Variants in C9 observed in about 807,000 individuals in gnomAD.
C9 encodes the protein complement component C9.
Under a neutral mutation model 65.4 loss-of-function variants are expected in C9, and 63 were observed. The observed-to-expected ratio is 0.96, with a 90% CI of 0.79 to 1.19. C9 has a LOEUF of 1.19. C9 is among the 50% of genes most tolerant of loss of function. The probability of loss-of-function intolerance (pLI) is 0.00; values close to 1 mark genes in which losing one functional copy is unlikely to be tolerated. For synonymous variants in C9, 229 were observed against 227.9 expected (o/e 1.00, Z -0.04); for missense variants, 744 against 670.1 (o/e 1.11, Z -1.22).
At position 39,349,518 on chromosome 5, in the gene C9, C is replaced by T. The variant is rs1478212235; in HGVS notation, c.78-7322G>A. On this transcript the variant is annotated intron_variant, in intron 1 of 10. Coordinates refer to ENST00000263408, the MANE Select transcript of C9 (RefSeq NM_001737.5). Reference sequence around the variant, plus strand: ...ACATCCAAAGAACAAGTCTTATCTCCTTCAAACTCTACATGCCCTTTTAGT... The same window carrying T: ...ACATCCAAAGAACAAGTCTTATCTCTTTCAAACTCTACATGCCCTTTTAGT... 3.9e-5 allele frequency among the ~76,000 whole-genome samples: 6 copies of T among 152,214 alleles called. No individual in the cohort carries two copies. The East Asian group carries it at 5.8e-4, about 15-fold the overall frequency.
chr5:39,342,005 C>T lies in C9; in HGVS notation c.183+86G>A, dbSNP rs1029999827. ...GGGTTTGGAACTCAGTTGTGGGGCTCCCTGCCTCATAATCATTTTTCTGGA... is the reference window on the plus strand; with the variant it reads ...GGGTTTGGAACTCAGTTGTGGGGCTTCCTGCCTCATAATCATTTTTCTGGA... On this transcript the variant is annotated intron_variant, in intron 2 of 10. Transcript: ENST00000263408. 4.7e-6 allele frequency: 4 copies of T among 844,358 alleles called. No homozygotes were observed. The East Asian group carries it at 9.7e-5, about 20-fold the overall frequency. The allele number at this position is 844,358 out of a possible 1,614,324, so 52.3% of individuals were successfully genotyped here.
intron 1 of C9, among the ~76,000 whole-genome samples, chr5:39,360,022 TA>T (rs993684969): frequency 8.5e-5 from 13 of 152,226 alleles, no homozygotes; most frequent in Non-Finnish European, 1.8e-4. Context: ...TAGGCAAATA[TA>T]ACCAAAGTAG....
chr5:39,330,705 T>C (rs1008173496), intron 5 of C9, among the ~76,000 whole-genome samples: 2 of 151,864 alleles, frequency 1.3e-5, no homozygotes, highest in Admixed American at 1.3e-4. Context: ...TTTCCTCAGA[T>C]TTTTTGGCAA....
intron 5 of C9, among the ~76,000 whole-genome samples, chr5:39,316,760 G>A (rs567656576): frequency 3.9e-5 from 6 of 152,288 alleles, no homozygotes; most frequent in African/African-American, 1.4e-4. Flanking sequence ...ATGGGCGTTT[G>A]GGTTGATTCC....
chr5:39,286,059 C>G (rs1327726939), intron 10 of C9, among the ~76,000 whole-genome samples: 1 of 151,950 alleles, frequency 6.6e-6, no homozygotes, highest in East Asian at 1.9e-4. Flanking sequence ...GAAAGGTCAA[C>G]CAAACAATGC....
intron 7 of C9, among the ~76,000 whole-genome samples, chr5:39,308,606 G>T (rs1435320581): frequency 1.3e-5 from 2 of 152,132 alleles, no homozygotes; most frequent in Non-Finnish European, 2.9e-5. Flanking sequence ...AGGGATATAG[G>T]TCAGACTATG....
intron 6 of C9, among the ~76,000 whole-genome samples, chr5:39,315,571 A>G (rs1410822132): frequency 6.6e-6 from 1 of 152,112 alleles, no homozygotes; most frequent in Non-Finnish European, 1.5e-5. Context: ...GCTCACTACC[A>G]CCAAACATAT....
At position 39,288,939 on chromosome 5, in the gene C9, A is replaced by G. The variant is rs1419449142; in HGVS notation, c.1429T>C (p.Tyr477His). Residue 477 changes from tyrosine (Y) to histidine (H), a missense_variant, in exon 10 of 11, where the codon TAT (tyrosine) becomes CAT (histidine). Transcript: ENST00000263408. ...VLISQKLSPI[Y>H]NLVPVKMKNA... ...TTCATTTTCACTGGAACCAGATTAT[A>G]TATAGGAGACAGCTGAAAGGAAGCA... The G allele has an allele frequency of 2.5e-6, 4 of 1,592,880 alleles. No individual in the cohort carries two copies. The highest frequency in any genetic ancestry group is 2.7e-5 in the African/African-American group (2 of 74,344).
intron 10 of C9, among the ~76,000 whole-genome samples, chr5:39,285,835 G>C (rs1752982711): frequency 6.6e-6 from 1 of 151,946 alleles, no homozygotes; most frequent in Non-Finnish European, 1.5e-5. Context: ...GGGAGAGAAA[G>C]TTGGAAGCAT....
intron 1 of C9, among the ~76,000 whole-genome samples, chr5:39,348,390 C>T (rs1231427463): frequency 6.6e-6 from 1 of 152,160 alleles, no homozygotes. Context: ...CAAAAGAAGA[C>T]ATTTATGCAA....
chr5:39,322,087 G>A (rs1753675312), intron 5 of C9, among the ~76,000 whole-genome samples: 1 of 151,916 alleles, frequency 6.6e-6, no homozygotes. Context: ...CTCGTGGACA[G>A]ATCGTATATT....
In C9 at chr5:39,318,106, T is replaced by A. The variant is rs191257047; in HGVS notation, c.616-2077A>T. Among the ~76,000 whole-genome samples the A allele has an allele frequency of 5.1e-3, 777 of 152,100 alleles. 21 individuals carry two copies. The highest frequency in any genetic ancestry group is 0.045 in the Admixed American group (683 of 15,252). On this transcript the variant is annotated intron_variant, in intron 5 of 10. Transcript: ENST00000263408. Reference sequence around the variant, plus strand: ...CTAGGTATTTTATGGGTTTTTTTTTTAGCAATCGTGAATGGGAGTTAATTT... The same window carrying A: ...CTAGGTATTTTATGGGTTTTTTTTTAAGCAATCGTGAATGGGAGTTAATTT...
intron 6 of C9, among the ~76,000 whole-genome samples, chr5:39,314,661 A>T (rs1334036787): frequency 6.6e-6 from 1 of 152,092 alleles, no homozygotes; most frequent in African/African-American, 2.4e-5. Context: ...CTTCTCTAAC[A>T]GTTCCTTCCG....
chr5:39,335,730 TGAG>T (rs1561348302), intron 4 of C9, among the ~76,000 whole-genome samples: 1 of 152,052 alleles, frequency 6.6e-6, no homozygotes, highest in Non-Finnish European at 1.5e-5. Context: ...TTGTGCCAAA[TGAG>T]GGGTACATGT....
intron 5 of C9, among the ~76,000 whole-genome samples, chr5:39,330,421 G>A (rs898110280): frequency 6.6e-6 from 1 of 152,152 alleles, no homozygotes; most frequent in East Asian, 1.9e-4. Flanking sequence ...TGTCGTACAA[G>A]TTATTACCCC....
intron 7 of C9, among the ~76,000 whole-genome samples, chr5:39,309,498 G>T (rs567749988): frequency 1.3e-5 from 2 of 152,152 alleles, no homozygotes; most frequent in African/African-American, 4.8e-5. Context: ...TTTCCCATGG[G>T]AAGGGAAGAG....
intron 1 of C9, among the ~76,000 whole-genome samples, chr5:39,363,640 G>C (rs1195511540): frequency 6.6e-6 from 1 of 152,150 alleles, no homozygotes; most frequent in Non-Finnish European, 1.5e-5. Context: ...TGTCTACTCT[G>C]ATGACTCCAG....
chr5:39,295,826 A>C (rs1753176766), intron 9 of C9, among the ~76,000 whole-genome samples: 2 of 151,800 alleles, frequency 1.3e-5, no homozygotes, highest in Admixed American at 6.6e-5. Flanking sequence ...GTACTGCCAT[A>C]AAAACAGGCA....
At position 39,284,933 on chromosome 5, in the gene C9, T is replaced by C. The variant is rs1561328582; in HGVS notation, c.*266A>G. 9.0e-6 allele frequency: 4 copies of C among 446,116 alleles called. No individual in the cohort carries two copies. Among genetic ancestry groups the C allele is most frequent in the Non-Finnish European group, 1.6e-5 (4 of 248,768 alleles). The allele number at this position is 446,116 out of a possible 1,614,324, so 27.6% of individuals were successfully genotyped here. The stretch of plus-strand genomic sequence containing the variant: ...TAATTTTGTTTTTTTTTAGAAGAGA[T>C]TGGCATTTTCCGTGGGATAAAGCAG... On this transcript the variant is annotated 3_prime_UTR_variant, in exon 11 of 11. Transcript: ENST00000263408.
Sources: allele counts gnomAD v4.1 joint callset (sites outside exome capture counted in the v4.1 genomes callset), GRCh38; gene constraint gnomAD v4.1.1; transcripts MANE v1.5; gene names NCBI Gene and HGNC (gene_info 2026-07-23, HGNC 2026-07-21).